The following LGI1 variants were observed in gnomAD, a reference collection of about 807,000 sequenced individuals.
LGI1 encodes leucine-rich glioma-inactivated protein 1.
In LGI1, 11 loss-of-function variants were observed where a neutral mutation model predicts 57.7. That is an observed-to-expected ratio of 0.19 (90% CI 0.12 to 0.32). LGI1 has a LOEUF of 0.32. LGI1 is among the 10% of genes least tolerant of loss of function. The pLI is 1.00. For synonymous variants in LGI1, 222 were observed against 241.9 expected (o/e 0.92, Z 0.76); for missense variants, 422 against 661.9 (o/e 0.64, Z 3.98).
At chr10:93,776,393 T>A (rs1463901758) in intron 2 of LGI1, among the ~76,000 whole-genome samples, 1 of 152,156 alleles carries the variant, frequency 6.6e-6, no homozygotes, top group South Asian at 2.1e-4. Context: ...CCCCTTGTTG[T>A]CCCCCTCCTC....
chr10:93,786,979 A>G (rs12571812), intron 4 of LGI1, among the ~76,000 whole-genome samples: 123,436 of 152,138 alleles, frequency 0.81, 54,324 homozygotes, highest in Non-Finnish European at 0.97. Flanking sequence ...CCCTCTGCCT[A>G]CTTTCTTTTT....
chr10:93,772,459 G>A (rs2059750609), intron 2 of LGI1, among the ~76,000 whole-genome samples: 1 of 151,906 alleles, frequency 6.6e-6, no homozygotes, highest in Admixed American at 6.6e-5. Flanking sequence ...GTAAACATTG[G>A]AATCGATAAT....
chr10:93,791,594 T>C (rs74150354), intron 5 of LGI1: 10 of 152,286 alleles, frequency 6.6e-5, no homozygotes, highest in African/African-American at 2.4e-4. Flanking sequence ...AAGTATCCTC[T>C]AAAAAACATT....
At chr10:93,793,464 C>G (rs2059953203) in intron 7 of LGI1, 114 bp downstream of exon 7, 2 of 940,500 alleles carry the variant, frequency 2.1e-6, no homozygotes, top group Non-Finnish European at 3.4e-6. Context: ...CCAACTCTAC[C>G]ATTTGTTAAG....
At position 93,758,634 on chromosome 10, in the gene LGI1, C is replaced by T. The variant is rs2059590043; in HGVS notation, c.216-126C>T. The stretch of plus-strand genomic sequence containing the variant: ...TCATCTGGGAAGGAATAGTATCGTA[C>T]TTCATAAAATAGTGTCAAAATAGTC... On this transcript the variant is annotated intron_variant, in intron 1 of 7. Transcript: ENST00000371418. The surrounding 1 kb of genome is among the most constrained non-coding windows in gnomAD (Gnocchi z 4.7). The T allele has an allele frequency of 1.3e-6, 1 of 750,056 alleles. No homozygotes were observed. The highest frequency in any genetic ancestry group is 2.3e-6 in the Non-Finnish European group (1 of 433,346). The allele number at this position is 750,056 out of a possible 1,614,324, so 46.5% of individuals were successfully genotyped here.
At chr10:93,773,898 G>A (rs762464725) in intron 2 of LGI1, among the ~76,000 whole-genome samples, 1 of 152,190 alleles carries the variant, frequency 6.6e-6, no homozygotes, top group Non-Finnish European at 1.5e-5. Flanking sequence ...CGGGCTGGCT[G>A]CTTGGCAGGC....
intron 3 of LGI1, 42 bp downstream of exon 3, chr10:93,777,492 A>G (rs748793766): frequency 6.9e-6 from 11 of 1,604,352 alleles, no homozygotes; most frequent in African/African-American, 6.7e-5. Flanking sequence ...ATTCAGGACA[A>G]GTACTCTCAA....
chr10:93,792,659 G>A (rs1202771378), intron 5 of LGI1, 84 bp from the exon 6 acceptor site: 3 of 1,389,494 alleles, frequency 2.2e-6, no homozygotes, highest in African/African-American at 1.4e-5. Context: ...AGGTCATTCT[G>A]CACATGTTAA....
chr10:93,769,945 C>G (rs1034411422), intron 2 of LGI1: 1 of 152,234 alleles, frequency 6.6e-6, no homozygotes, highest in African/African-American at 2.4e-5. Context: ...TTATAGGTGA[C>G]TGGAGAGAGT....
chr10:93,794,988 T>C (rs1038645568), intron 7 of LGI1, among the ~76,000 whole-genome samples: 3 of 152,154 alleles, frequency 2.0e-5, no homozygotes, highest in African/African-American at 7.2e-5. Context: ...TCCTCCTTTC[T>C]TTTAGAATCC....
chr10:93,763,580 G>A (rs755439142), intron 2 of LGI1: 1 of 152,096 alleles, frequency 6.6e-6, no homozygotes, highest in Non-Finnish European at 1.5e-5. Context: ...GATAATGCTG[G>A]TCATGTTCAC....
intron 2 of LGI1, chr10:93,767,138 C>G (rs903700633): frequency 6.6e-6 from 1 of 152,178 alleles, no homozygotes; most frequent in African/African-American, 2.4e-5. Flanking sequence ...GTTTCAAAAG[C>G]CCTTTGAAAG....
chr10:93,790,528 A>G (rs949886990), intron 5 of LGI1: 2 of 229,460 alleles, frequency 8.7e-6, no homozygotes, highest in African/African-American at 4.7e-5. Flanking sequence ...AAGGAAAAAC[A>G]TAAAGGAGTC....
rs952589079 is a variant in LGI1, at chr10:93,784,818, G to A, written c.432-5281G>A. Among the ~76,000 whole-genome samples, 8 of 152,042 alleles carry A rather than the reference G, an allele frequency of 5.3e-5. No individual in the cohort carries two copies. The East Asian group carries it at 9.6e-4, about 18-fold the overall frequency. ...ATTCAGGGTGACACTCTCTCAAGTC[G>A]TGACACTCTCTCTAGTCATGACACT... On this transcript the variant is annotated intron_variant, in intron 4 of 7. Transcript: ENST00000371418.
chr10:93,763,533 C>T (rs1455743675), intron 2 of LGI1: 4 of 152,180 alleles, frequency 2.6e-5, no homozygotes, highest in African/African-American at 9.7e-5. Context: ...ATGTTTCCAT[C>T]GATTTTGTGC....
At chr10:93,776,783 G>A (rs1263735739) in intron 2 of LGI1, 2 of 153,232 alleles carry the variant, frequency 1.3e-5, no homozygotes, top group African/African-American at 2.4e-5. Flanking sequence ...ATTTGTCCAA[G>A]TAAAAGCTTC....
intron 2 of LGI1, among the ~76,000 whole-genome samples, chr10:93,766,318 A>T (rs980212698): frequency 1.3e-5 from 2 of 152,192 alleles, no homozygotes; most frequent in Non-Finnish European, 2.9e-5. Context: ...GAATGTATAC[A>T]TACAAATAAC....
Position 93,772,286 on chromosome 10 carries a change from A to G in LGI1, c.288-5093A>G, listed in dbSNP as rs185256239. Among the ~76,000 whole-genome samples, 1,221 of 152,304 alleles carry G rather than the reference A, an allele frequency of 8.0e-3. 13 individuals are homozygous for G. The highest frequency in any genetic ancestry group is 0.027 in the African/African-American group (1,105 of 41,586). ...GGCATTTCCTTACTCAGAGTTGGACATGTAATTTGGTACAAGTCAGCAGTA... is the reference window on the plus strand; with the variant it reads ...GGCATTTCCTTACTCAGAGTTGGACGTGTAATTTGGTACAAGTCAGCAGTA... On this transcript the variant is annotated intron_variant, in intron 2 of 7. Transcript: ENST00000371418.
intron 4 of LGI1, among the ~76,000 whole-genome samples, chr10:93,785,966 G>A (rs7069172): frequency 0.13 from 5,746 of 44,854 alleles, 1,638 homozygotes; most frequent in African/African-American, 0.17. Flanking sequence ...TGTTGCCCCT[G>A]AGCCCGGTGC....
Sources: allele counts gnomAD v4.1 joint callset (sites outside exome capture counted in the v4.1 genomes callset), GRCh38; gene constraint gnomAD v4.1.1; non-coding constraint Gnocchi (gnomAD v3.1); transcripts MANE v1.5; gene names NCBI Gene and HGNC (gene_info 2026-07-23, HGNC 2026-07-21).